Variants in KRT74 observed in about 807,000 individuals in gnomAD.
KRT74 encodes keratin, type II cytoskeletal 74.
In KRT74, 43 loss-of-function variants were observed where a neutral mutation model predicts 42.7. The observed-to-expected ratio is 1.01, with a 90% confidence interval of 0.79 to 1.30. The LOEUF is 1.30. Ranked by LOEUF, KRT74 falls within the 50% of genes most tolerant of loss-of-function variation. KRT74 has a pLI of 0.00. For synonymous variants in KRT74, 302 were observed against 279.0 expected, an observed-to-expected ratio of 1.08 and a Z score of -0.82; for missense variants, 736 against 689.1, an observed-to-expected ratio of 1.07 and a Z score of -0.76.
At position 52,573,718 on chromosome 12, in the gene KRT74, C is replaced by A; in HGVS notation, c.60G>T (p.Ser20=). The A allele has an allele frequency of 1.2e-6, 2 of 1,614,092 alleles. No individual in the cohort carries two copies. Among genetic ancestry groups the A allele is most frequent in the East Asian group, 4.5e-5 (2 of 44,886 alleles). The change falls in exon 1 of 9, where the codon TCG becomes TCT. Residue 20 remains serine (S), a synonymous_variant. Transcript: ENST00000305620. ...CCACAGCCTTCCTTGGCACCACTGC[C>A]GAATGCACACTGAAGTTGCCCTTGT... ...SGDKGNFSVH[S]AVVPRKAVGS... is the part of the protein sequence containing the mutation.
rs1271421044 is a variant in KRT74, at chr12:52,566,364, G to A, written c.*605C>T. The A allele has an allele frequency of 1.3e-5, 2 of 152,280 alleles. No homozygotes were observed. The highest frequency in any genetic ancestry group is 2.4e-5 in the African/African-American group (1 of 41,418). 9.4% of individuals were successfully genotyped at this position (152,280 alleles called of 1,614,324 possible). On this transcript the variant is annotated 3_prime_UTR_variant, in exon 9 of 9. Transcript: ENST00000305620. Reference sequence around the variant, plus strand: ...GTAGCTATTGCTGATAATGAAGGAGGTGGGTGGGTGACACAGGCTGGCAGA... The same window carrying A: ...GTAGCTATTGCTGATAATGAAGGAGATGGGTGGGTGACACAGGCTGGCAGA...
At position 52,568,290 on chromosome 12, in the gene KRT74, G is replaced by A; in HGVS notation, c.1234C>T (p.His412Tyr). The change falls in exon 7 of 9, where the codon CAC becomes TAC. Residue 412 changes from histidine (H) to tyrosine (Y), a missense_variant. Transcript: ENST00000305620. ...AKLDELEGALHQAKEELARML... is the reference protein window; with the variant it reads ...AKLDELEGALYQAKEELARML... The stretch of plus-strand genomic sequence containing the variant: ...CGCGCCAGCTCCTCCTTGGCCTGGT[G>A]CAGGGCGCCCTCCAGCTCATCCAGC... 6.2e-7 allele frequency: 1 copy of A among 1,614,208 alleles called. No homozygotes were observed. Among genetic ancestry groups the A allele is most frequent in the Non-Finnish European group, 8.5e-7 (1 of 1,180,046 alleles).
chr12:52,571,985 G>T lies in KRT74; in HGVS notation c.706C>A (p.Arg236=), dbSNP rs549320828. The stretch of plus-strand genomic sequence containing the variant: ...AACTCATTCTCTGCTGTCGTGCGCC[G>T]GTTAATCTCCACTTCATATCTGCCA... ...YKKRYEVEIN[R]RTTAENEFVV... The change falls in exon 3 of 9, where the codon CGG becomes AGG. Residue 236 remains arginine, a synonymous_variant. Coordinates refer to ENST00000305620, the MANE Select transcript of KRT74 (RefSeq NM_175053.4). 1.4e-5 allele frequency: 22 copies of T among 1,598,488 alleles called. No homozygotes were observed. The highest frequency in any genetic ancestry group is 1.8e-5 in the Non-Finnish European group (21 of 1,166,088).
At chr12:52,570,899 C>T in intron 4 of KRT74, 66 bp from the exon 5 acceptor site, 2 of 1,588,358 alleles carry the variant, frequency 1.3e-6, no homozygotes, top group Middle Eastern at 1.7e-4. Context: ...CATCAGTCTT[C>T]TGGGCCCATG....
Position 52,571,474 on chromosome 12 carries a change from T to A in KRT74, c.748-20A>T, listed in dbSNP as rs756488832. 17 of 1,577,480 alleles carry A rather than the reference T, an allele frequency of 1.1e-5. No individual in the cohort carries two copies. The highest frequency in any genetic ancestry group is 1.5e-5 in the Non-Finnish European group (17 of 1,146,924). ...TGCATCCTGCCAAGAGGCCCCAGAG[T>A]CATTGGGGGATGCAACCCTCATCCC... On this transcript the variant is annotated intron_variant, in intron 3 of 8. Coordinates refer to ENST00000305620, the MANE Select transcript of KRT74 (RefSeq NM_175053.4).
At position 52,569,990 on chromosome 12, in the gene KRT74, T is replaced by C. The variant is rs1309640596; in HGVS notation, c.1009-6A>G. 3.1e-6 allele frequency: 5 copies of C among 1,613,968 alleles called. No individual in the cohort carries two copies. In the Admixed American group the frequency reaches 6.7e-5, roughly 22 times the overall value. ...GCCAGCTGCAGCTCCTGGATCTGGTTTCCCAGAGATAGGAAGTTGGTGATG... is the reference window on the plus strand; with the variant it reads ...GCCAGCTGCAGCTCCTGGATCTGGTCTCCCAGAGATAGGAAGTTGGTGATG... On this transcript the variant is annotated splice_region_variant and splice_polypyrimidine_tract_variant and intron_variant, in intron 5 of 8. Coordinates refer to ENST00000305620, the MANE Select transcript of KRT74 (RefSeq NM_175053.4).
rs1189151933 is a variant in KRT74, at chr12:52,572,511, C to G, written c.628G>C (p.Val210Leu). The part of the protein sequence containing the change: ...KQLETLSGDR[V>L]RLDSELRSMR... ...CTTCTCAGCTCCGAGTCCAGCCTCA[C>G]CCTGTCCCCAGACAGTGTCTCCAGC... is the stretch of plus-strand genomic sequence containing the variant. Residue 210 changes from valine to leucine, a missense_variant, in exon 2 of 9, where the codon GTG becomes CTG. Physicochemically the swap from Val to Leu is conservative, Grantham distance 32. Coordinates refer to ENST00000305620, the MANE Select transcript of KRT74 (RefSeq NM_175053.4). The G allele has an allele frequency of 6.2e-7, 1 of 1,614,204 alleles. No individual in the cohort carries two copies. The highest frequency in any genetic ancestry group is 1.7e-5 in the Admixed American group (1 of 60,028).
In KRT74 at chr12:52,568,197, G is replaced by A. The variant is rs759146064; in HGVS notation, c.1327C>T (p.Arg443Cys). 63 of 1,614,104 alleles carry A rather than the reference G, an allele frequency of 3.9e-5. No individual in the cohort carries two copies. The highest frequency in any genetic ancestry group is 5.0e-5 in the Non-Finnish European group (59 of 1,180,052). Residue 443 changes from arginine (R) to cysteine (C), a missense_variant, in exon 7 of 9, where the codon CGC becomes TGC. Arg to Cys is a radical substitution (Grantham distance 180). Coordinates refer to ENST00000305620, the MANE Select transcript of KRT74 (RefSeq NM_175053.4). ...CACTCCTCGCCCTCCAGCAGCTTGC[G>A]GTAGGTGGCAATCTCCATGTCCAGG... The part of the protein sequence containing the change: ...LALDMEIATY[R>C]KLLEGEECRM...
At position 52,567,094 on chromosome 12, in the gene KRT74, C is replaced by T. The variant is rs1448948962; in HGVS notation, c.1465G>A (p.Ala489Thr). The T allele has an allele frequency of 6.2e-7, 1 of 1,600,702 alleles. No individual in the cohort carries two copies. Among genetic ancestry groups the T allele is most frequent in the Non-Finnish European group, 8.6e-7 (1 of 1,169,512 alleles). The change falls in exon 9 of 9, where the codon GCA (alanine) becomes ACA (threonine). Residue 489 changes from alanine (A) to threonine (T), a missense_variant. By Grantham distance (58) the Ala-to-Thr change is moderately conservative. Coordinates refer to ENST00000305620, the MANE Select transcript of KRT74 (RefSeq NM_175053.4). ...CTCTGGGTGCTGCCAGAGCTGCCTG[C>T]CACAGCGCTGGCCCCAAGGTCAACA... ...AGVDLGASAV[A>T]GSSGSTQSGQ...
chr12:52,573,424 G>A lies in KRT74; in HGVS notation c.354C>T (p.Asn118=). Residue 118 remains asparagine (N), a synonymous_variant, in exon 1 of 9, where the codon AAC becomes AAT. Coordinates refer to ENST00000305620, the MANE Select transcript of KRT74 (RefSeq NM_175053.4). ...PPGGIHQVTV[N]KSLLAPLNVE... is the part of the protein sequence containing the mutation. Reference sequence around the variant, plus strand: ...CGTTGAGGGGGGCCAAGAGGCTCTTGTTGACAGTGACCTGGTGGATGCCCC... The same window carrying A: ...CGTTGAGGGGGGCCAAGAGGCTCTTATTGACAGTGACCTGGTGGATGCCCC... 6.2e-7 allele frequency: 1 copy of A among 1,614,208 alleles called. No homozygotes were observed. The highest frequency in any genetic ancestry group is 8.5e-7 in the Non-Finnish European group (1 of 1,180,050).
Position 52,573,675 on chromosome 12 carries a change from A to G in KRT74, c.103T>C (p.Cys35Arg). The change falls in exon 1 of 9, where the codon TGT becomes CGT. Residue 35 changes from cysteine to arginine, a missense_variant. Coordinates refer to ENST00000305620, the MANE Select transcript of KRT74 (RefSeq NM_175053.4). Reference sequence around the variant, plus strand: ...GCGCCAGCCCCTCTGCCAGCTGCACAGTAAGAAGCCAGGCTACCCACAGCC... The same window carrying G: ...GCGCCAGCCCCTCTGCCAGCTGCACGGTAAGAAGCCAGGCTACCCACAGCC... ...RKAVGSLASY[C>R]AAGRGAGAGF... is the part of the protein sequence containing the mutation. 2 of 1,614,200 alleles carry G rather than the reference A, an allele frequency of 1.2e-6. No homozygotes were observed. The highest frequency in any genetic ancestry group is 8.5e-7 in the Non-Finnish European group (1 of 1,180,040).
chr12:52,570,035 G>A (rs771091233), intron 5 of KRT74, 51 bp from the exon 6 acceptor site: 32 of 1,609,408 alleles, frequency 2.0e-5, no homozygotes, highest in Non-Finnish European at 2.7e-5. Flanking sequence ...CACTGGGGAA[G>A]GGTCCTGTAA....
chr12:52,573,476 G>A lies in KRT74; in HGVS notation c.302C>T (p.Pro101Leu). The A allele has an allele frequency of 6.2e-7, 1 of 1,614,212 alleles. No homozygotes were observed. ...GSMFGSVALG[P>L]ACLSVCPPGG... is the part of the protein sequence containing the mutation. ...AGGTGGGCACACAGACAAACATGCA[G>A]GCCCCAGGGCCACACTGCCAAACAT... Residue 101 changes from proline (P) to leucine (L), a missense_variant, in exon 1 of 9, where the codon CCT (proline) becomes CTT (leucine). Pro to Leu is a moderately conservative substitution (Grantham distance 98). Transcript: ENST00000305620.
At chr12:52,569,381 G>C (rs1193547457) in intron 6 of KRT74, 2 of 435,128 alleles carry the variant, frequency 4.6e-6, no homozygotes, top group African/African-American at 4.0e-5. Flanking sequence ...TCCGAGAGCA[G>C]GAACCTGGTG....
Position 52,570,657 on chromosome 12 carries a change from T to C in KRT74, c.1008+12A>G, listed in dbSNP as rs778699762. The C allele has an allele frequency of 9.9e-6, 16 of 1,614,084 alleles. No individual in the cohort carries two copies. The highest frequency in any genetic ancestry group is 1.7e-5 in the Admixed American group (1 of 60,014). The stretch of plus-strand genomic sequence containing the variant: ...AAGGGCTGCTGTGGGAGGAGACCCA[T>C]TCGGTGACCACCTTGGTCTGGTACA... On this transcript the variant is annotated intron_variant, in intron 5 of 8. Coordinates refer to ENST00000305620, the MANE Select transcript of KRT74 (RefSeq NM_175053.4).
At chr12:52,567,444 C>T (rs148303504) in intron 8 of KRT74, among the ~76,000 whole-genome samples, 19 of 152,248 alleles carry the variant, frequency 1.2e-4, no homozygotes, top group South Asian at 2.1e-4. Flanking sequence ...CAAATGACAA[C>T]GTCCCAGGGG....
intron 4 of KRT74, 55 bp from the exon 5 acceptor site, chr12:52,570,888 C>T (rs1939467938): frequency 6.2e-7 from 1 of 1,604,620 alleles, no homozygotes; most frequent in African/African-American, 1.3e-5. Context: ...CTCTTCTGCC[C>T]CATCAGTCTT....
At chr12:52,571,523 C>T (rs1368508230) in intron 3 of KRT74, 69 bp from the exon 4 acceptor site, 4 of 1,095,238 alleles carry the variant, frequency 3.7e-6, no homozygotes, top group South Asian at 1.2e-5. Flanking sequence ...CCAACTCCTG[C>T]CTCAAAGCCA....
intron 3 of KRT74, among the ~76,000 whole-genome samples, chr12:52,571,687 G>C (rs1012874930): frequency 2.6e-5 from 4 of 152,188 alleles, no homozygotes; most frequent in Non-Finnish European, 4.4e-5. Flanking sequence ...GTTTCCTCAG[G>C]TCACACAGCA....
Sources: gnomAD v4.1 joint callset for allele counts (sites outside exome capture counted in the v4.1 genomes callset) on GRCh38, gnomAD v4.1.1 for gene constraint, MANE v1.5 for transcripts, NCBI Gene and HGNC (gene_info 2026-07-23, HGNC 2026-07-21) for gene names.